Variants in ASB15 observed in about 807,000 individuals in gnomAD.
The protein encoded by ASB15 is ankyrin repeat and SOCS box protein 15.
Under a neutral mutation model 58.0 loss-of-function variants are expected in ASB15, and 54 were observed. The ratio of observed to expected loss-of-function variants is 0.93; its 90% CI spans 0.75 to 1.17. The LOEUF (loss-of-function observed/expected upper bound fraction) is 1.17. Among genes scored for constraint, ASB15 ranks in the 50% most tolerant of loss-of-function variants. ASB15 has a pLI of 0.00. For synonymous variants in ASB15, 249 were observed against 262.4 expected (o/e 0.95, Z 0.50); for missense variants, 680 against 707.4 (o/e 0.96, Z 0.44).
In ASB15 at chr7:123,627,180, C is replaced by T. The variant is rs541521657; in HGVS notation, c.768C>T (p.Pro256=). ...TTGAGGCAGCAGGAGGTGGCAATCCCGACTGCATTTCCCTCCTGCTGGAAT... is the reference window on the plus strand; with the variant it reads ...TTGAGGCAGCAGGAGGTGGCAATCCTGACTGCATTTCCCTCCTGCTGGAAT... ...VLFEAAGGGN[P]DCISLLLEYG... The change falls in exon 9 of 12, where the codon CCC becomes CCT. Residue 256 remains proline, a synonymous_variant. Transcript: ENST00000451215. The T allele has an allele frequency of 4.4e-5, 71 of 1,613,890 alleles. No individual in the cohort carries two copies. Among genetic ancestry groups the T allele is most frequent in the African/African-American group, 8.0e-5 (6 of 75,010 alleles).
chr7:123,590,033 C>G (rs1172971419), intron 1 of ASB15, among the ~76,000 whole-genome samples: 1 of 152,116 alleles, frequency 6.6e-6, no homozygotes, highest in East Asian at 1.9e-4. Context: ...GAGATGGTAT[C>G]TCATTGTGGT....
intron 2 of ASB15, among the ~76,000 whole-genome samples, chr7:123,608,196 T>C (rs948751357): frequency 1.3e-5 from 2 of 152,204 alleles, no homozygotes; most frequent in Non-Finnish European, 2.9e-5. Context: ...ACTAAACGGG[T>C]TCTATCGTTA....
chr7:123,568,868 A>C (rs1798830630), intron 1 of ASB15, among the ~76,000 whole-genome samples: 1 of 152,214 alleles, frequency 6.6e-6, no homozygotes, highest in Non-Finnish European at 1.5e-5. Context: ...AAAAGTTGAA[A>C]AATTATGAAA....
chr7:123,581,085 G>A (rs181325615), intron 1 of ASB15, among the ~76,000 whole-genome samples: 1 of 151,914 alleles, frequency 6.6e-6, no homozygotes, highest in East Asian at 2.0e-4. Flanking sequence ...AAAATGGCTT[G>A]TATTTACGGA....
At chr7:123,588,367 T>C (rs1248739232) in intron 1 of ASB15, among the ~76,000 whole-genome samples, 2 of 151,740 alleles carry the variant, frequency 1.3e-5, no homozygotes, top group Non-Finnish European at 3.0e-5. Flanking sequence ...TATTTTTATA[T>C]ATGTGATTTT....
rs1288012316 is a variant in ASB15, at chr7:123,638,997, C to A, written c.*2016C>A. 1 of 152,092 alleles carries A rather than the reference C, an allele frequency of 6.6e-6. No individual in the cohort carries two copies. Among genetic ancestry groups the A allele is most frequent in the Non-Finnish European group, 1.5e-5 (1 of 68,016 alleles). The allele number at this position is 152,092 out of a possible 1,614,324, so 9.4% of individuals were successfully genotyped here. ...TTGTTGAAATATATTGAATAAGTGA[C>A]AAAAATAATCAGTGACATCATGGTG... On this transcript the variant is annotated 3_prime_UTR_variant, in exon 12 of 12. Transcript: ENST00000451215.
rs780992291 is a variant in ASB15 at position 123,629,395 on chromosome 7, G to A, written c.1401G>A (p.Val467=). The A allele has an allele frequency of 6.2e-7, 1 of 1,613,000 alleles. No individual in the cohort carries two copies. The highest frequency in any genetic ancestry group is 1.3e-5 in the African/African-American group (1 of 75,042). The change falls in exon 10 of 12, where the codon GTG becomes GTA. Residue 467 remains valine (V), a synonymous_variant. Transcript: ENST00000451215. ...TGTGGTCAGAGATACAGGAAGAGGT[G>A]CTGCCAGGATGGACATCTTGTGTAA... ...SFVWSEIQEE[V]LPGWTSCVIK... is the part of the protein sequence containing the mutation.
At chr7:123,582,768 C>G (rs537356874) in intron 1 of ASB15, among the ~76,000 whole-genome samples, 1 of 152,110 alleles carries the variant, frequency 6.6e-6, no homozygotes, top group African/African-American at 2.4e-5. Context: ...ATCATCTATT[C>G]ATCCCCTCCA....
At chr7:123,592,856 T>C (rs1391703720) in intron 1 of ASB15, among the ~76,000 whole-genome samples, 1 of 152,176 alleles carries the variant, frequency 6.6e-6, no homozygotes, top group Non-Finnish European at 1.5e-5. Context: ...ATCTGTCCAA[T>C]ATTGACAGTG....
chr7:123,576,588 A>G (rs1333839140), intron 1 of ASB15, among the ~76,000 whole-genome samples: 2 of 152,260 alleles, frequency 1.3e-5, no homozygotes, highest in East Asian at 3.9e-4. Context: ...GCTGTCACTC[A>G]TCTATGGGAT....
chr7:123,619,160 A>G (rs1801045262), intron 7 of ASB15, among the ~76,000 whole-genome samples: 1 of 140,482 alleles, frequency 7.1e-6, no homozygotes, highest in East Asian at 2.2e-4. Flanking sequence ...AGCCTGGACG[A>G]CAGAGAGAGA....
rs1399670993 is a variant in ASB15 at position 123,629,117 on chromosome 7, G to A, written c.1123G>A (p.Asp375Asn). The change falls in exon 10 of 12, where the codon GAC becomes AAC. Residue 375 changes from aspartate to asparagine, a missense_variant. Coordinates refer to ENST00000451215, the MANE Select transcript of ASB15 (RefSeq NM_001290258.2). ...AGAAGTCCTTCTGGCTGCAGGTGCAGACCCAAACTTAGATCCCCTCAACTG... is the reference window on the plus strand; with the variant it reads ...AGAAGTCCTTCTGGCTGCAGGTGCAAACCCAAACTTAGATCCCCTCAACTG... ...CTEVLLAAGA[D>N]PNLDPLNCLL... 1.9e-6 allele frequency: 3 copies of A among 1,614,124 alleles called. No homozygotes were observed. The highest frequency in any genetic ancestry group is 2.5e-6 in the Non-Finnish European group (3 of 1,179,968).
At chr7:123,608,149 T>C (rs982705146) in intron 2 of ASB15, among the ~76,000 whole-genome samples, 5 of 152,098 alleles carry the variant, frequency 3.3e-5, no homozygotes, top group Non-Finnish European at 5.9e-5. Context: ...TTCATTAAAA[T>C]TTTTTACTTT....
rs568553289 is a variant in ASB15 at position 123,609,720 on chromosome 7, G to A, written c.-3+1066G>A. ...CAGGGAAAGGGAGAACCTTGGTTCCGTGCTGTGGGAGCTACTGTATTTCAA... is the reference window on the plus strand; with the variant it reads ...CAGGGAAAGGGAGAACCTTGGTTCCATGCTGTGGGAGCTACTGTATTTCAA... On this transcript the variant is annotated intron_variant, in intron 3 of 11. Transcript: ENST00000451215. Among the ~76,000 whole-genome samples the A allele has an allele frequency of 2.8e-4, 43 of 152,282 alleles. No homozygotes were observed. The South Asian group carries it at 4.4e-3, about 15-fold the overall frequency.
intron 4 of ASB15, among the ~76,000 whole-genome samples, chr7:123,615,899 G>A (rs1800773514): frequency 6.6e-6 from 1 of 152,092 alleles, no homozygotes; most frequent in African/African-American, 2.4e-5. Context: ...CACAAAATCA[G>A]GCTGGGAATT....
At chr7:123,632,695 T>A (rs1802185681) in intron 11 of ASB15, among the ~76,000 whole-genome samples, 2 of 152,026 alleles carry the variant, frequency 1.3e-5, no homozygotes, top group South Asian at 4.1e-4. Context: ...AAAACATTGA[T>A]GACAGACAAT....
At chr7:123,621,096 A>G (rs928504021) in intron 7 of ASB15, among the ~76,000 whole-genome samples, 6 of 152,128 alleles carry the variant, frequency 3.9e-5, no homozygotes, top group Non-Finnish European at 7.4e-5. Context: ...TTTTGGCCTC[A>G]TTTAAATTTT....
At chr7:123,599,893 G>A (rs1280850794), upstream of ASB15, among the ~76,000 whole-genome samples, 1 of 152,108 alleles carries the variant, frequency 6.6e-6, no homozygotes, top group Non-Finnish European at 1.5e-5. Flanking sequence ...ATTCTCACCA[G>A]ACAAAACTAG....
chr7:123,570,751 G>C (rs75056587), intron 1 of ASB15, among the ~76,000 whole-genome samples: 2,666 of 152,210 alleles, frequency 0.018, 88 homozygotes, highest in African/African-American at 0.061. Flanking sequence ...CCTAACTTGG[G>C]TCAAGTAGGT....
Sources: allele counts gnomAD v4.1 joint callset (sites outside exome capture counted in the v4.1 genomes callset), GRCh38; gene constraint gnomAD v4.1.1; transcripts MANE v1.5; gene names NCBI Gene and HGNC (gene_info 2026-07-23, HGNC 2026-07-21).